CCDC171: variants seen among roughly 807,000 people sequenced by gnomAD.
CCDC171 encodes coiled-coil domain-containing protein 171.
A neutral mutation model predicts 168.2 loss-of-function variants in CCDC171; 177 were observed. The ratio of observed to expected loss-of-function variants is 1.05; its 90% CI spans 0.93 to 1.19. The LOEUF (loss-of-function observed/expected upper bound fraction) is 1.19, where lower values mean the gene tolerates loss of function less well. Among genes scored for constraint, CCDC171 ranks in the 50% most tolerant of loss-of-function variants. The pLI, the probability that CCDC171 is intolerant of heterozygous loss-of-function variation, is 0.00. For synonymous variants in CCDC171, 687 were observed against 540.8 expected, an observed-to-expected ratio of 1.27 and a Z score of -3.75; for missense variants, 1,991 against 1,539.0, an observed-to-expected ratio of 1.29 and a Z score of -4.91.
chr9:15,793,700 C>G (rs1301935785), intron 21 of CCDC171, among the ~76,000 whole-genome samples: 2 of 151,744 alleles, frequency 1.3e-5, no homozygotes, highest in African/African-American at 4.8e-5. Flanking sequence ...CAGGCACACA[C>G]CACAACACCT....
intron 18 of CCDC171, among the ~76,000 whole-genome samples, chr9:15,765,710 A>G (rs1273514798): frequency 6.6e-6 from 1 of 152,192 alleles, no homozygotes; most frequent in Admixed American, 6.5e-5. Flanking sequence ...TCATCAGATG[A>G]TCAGCTGCTT....
intron 3 of CCDC171, among the ~76,000 whole-genome samples, chr9:16,020,262 C>T (rs116881604): frequency 4.0e-4 from 61 of 152,226 alleles, no homozygotes; most frequent in African/African-American, 1.3e-3. Flanking sequence ...GCAACACTAA[C>T]GAATTTCATG....
At chr9:15,750,850 TC>T (rs1427437838) in intron 18 of CCDC171, among the ~76,000 whole-genome samples, 1 of 152,150 alleles carries the variant, frequency 6.6e-6, no homozygotes, top group African/African-American at 2.4e-5. Context: ...CTGGAAGCAT[TC>T]CCTTTGAAAA....
At chr9:15,915,598 C>G (rs985216638) in intron 24 of CCDC171, among the ~76,000 whole-genome samples, 3 of 152,040 alleles carry the variant, frequency 2.0e-5, no homozygotes, top group African/African-American at 7.2e-5. Flanking sequence ...AATTATGATA[C>G]CTGTTATTTT....
chr9:15,952,413 T>G (rs1829298064), intron 25 of CCDC171, among the ~76,000 whole-genome samples: 1 of 152,174 alleles, frequency 6.6e-6, no homozygotes, highest in South Asian at 2.1e-4. Flanking sequence ...CTTTGTTTTT[T>G]TAGAGACAGA....
At chr9:15,883,428 A>G (rs1014224976) in intron 24 of CCDC171, among the ~76,000 whole-genome samples, 2 of 152,082 alleles carry the variant, frequency 1.3e-5, no homozygotes, top group Non-Finnish European at 2.9e-5. Flanking sequence ...ATAGTCTTGC[A>G]CACTAAGGTA....
At chr9:15,977,067 A>G (rs1409146661), downstream of CCDC171, among the ~76,000 whole-genome samples, 3 of 152,166 alleles carry the variant, frequency 2.0e-5, no homozygotes. Context: ...TGAGACATAA[A>G]TGTGTAAATT....
intron 11 of CCDC171, among the ~76,000 whole-genome samples, chr9:15,709,168 A>G (rs1308246503): frequency 1.3e-5 from 2 of 152,200 alleles, no homozygotes; most frequent in South Asian, 2.1e-4. Context: ...GGGATTAATA[A>G]GGAAAGAATA....
chr9:15,853,414 T>A (rs1034272859), intron 23 of CCDC171, among the ~76,000 whole-genome samples: 1 of 151,622 alleles, frequency 6.6e-6, no homozygotes, highest in African/African-American at 2.4e-5. Flanking sequence ...TACAACTGAT[T>A]TTTGTATGTT....
chr9:15,959,893 G>A (rs995503100), intron 25 of CCDC171, among the ~76,000 whole-genome samples: 6 of 152,162 alleles, frequency 3.9e-5, no homozygotes, highest in Non-Finnish European at 5.9e-5. Flanking sequence ...TTCAGTCAGA[G>A]TTGTCACAGT....
chr9:15,969,979 G>A (rs1258648581), intron 25 of CCDC171, among the ~76,000 whole-genome samples: 1 of 152,142 alleles, frequency 6.6e-6, no homozygotes, highest in Non-Finnish European at 1.5e-5. Context: ...ACTAATCAGG[G>A]TCAACACACG....
At chr9:15,605,843 TG>T (rs1341825269) in intron 6 of CCDC171, among the ~76,000 whole-genome samples, 1 of 152,210 alleles carries the variant, frequency 6.6e-6, no homozygotes, top group Non-Finnish European at 1.5e-5. Flanking sequence ...AATAATATTT[TG>T]CCTCCATCTT....
chr9:15,902,849 C>G (rs998957250), intron 24 of CCDC171, among the ~76,000 whole-genome samples: 4 of 152,198 alleles, frequency 2.6e-5, no homozygotes, highest in African/African-American at 9.6e-5. Context: ...CTGCACTTTT[C>G]CAACAGTCTT....
intron 21 of CCDC171, among the ~76,000 whole-genome samples, chr9:15,844,801 A>G (rs1254828526): frequency 2.6e-5 from 4 of 152,114 alleles, no homozygotes; most frequent in Non-Finnish European, 5.9e-5. Flanking sequence ...CTTTGAAAGT[A>G]TATGATAGGA....
intron 10 of CCDC171, among the ~76,000 whole-genome samples, chr9:15,683,784 G>C (rs1339245589): frequency 6.6e-6 from 1 of 152,084 alleles, no homozygotes; most frequent in Non-Finnish European, 1.5e-5. Context: ...TATTGTGTAT[G>C]TATGTGTGTG....
chr9:15,675,083 C>T (rs2049426161), intron 9 of CCDC171, among the ~76,000 whole-genome samples: 1 of 150,174 alleles, frequency 6.7e-6, no homozygotes. Context: ...GTTAGTTTTT[C>T]TTGTTGAATT....
rs570920224 is a variant in CCDC171 at position 15,679,039 on chromosome 9, G to C, written c.1215+143G>C. ...ATTGATAACAAAATTTCCAAAACTG[G>C]AAATGCTGATTACATCAAAGATACA... On this transcript the variant is annotated intron_variant, in intron 10 of 25. Coordinates refer to ENST00000380701, the MANE Select transcript of CCDC171 (RefSeq NM_173550.4). 5.2e-6 allele frequency: 3 copies of C among 578,022 alleles called. No homozygotes were observed. In the East Asian group the frequency reaches 1.0e-4, roughly 20 times the overall value. 35.8% of individuals were successfully genotyped at this position (578,022 alleles called of 1,614,324 possible).
chr9:15,894,141 C>G (rs975701719), intron 24 of CCDC171, among the ~76,000 whole-genome samples: 3 of 152,106 alleles, frequency 2.0e-5, no homozygotes, highest in Non-Finnish European at 4.4e-5. Flanking sequence ...ATGGATGGAG[C>G]TGGAAGCCAT....
intron 11 of CCDC171, among the ~76,000 whole-genome samples, chr9:15,704,949 G>A (rs1211477263): frequency 2.0e-5 from 3 of 152,088 alleles, no homozygotes; most frequent in Non-Finnish European, 4.4e-5. Context: ...CTACCAGAAG[G>A]ACCATTTATG....
Sources: gnomAD v4.1 joint callset for allele counts (sites outside exome capture counted in the v4.1 genomes callset) on GRCh38, gnomAD v4.1.1 for gene constraint, MANE v1.5 for transcripts, NCBI Gene and HGNC (gene_info 2026-07-23, HGNC 2026-07-21) for gene names.